The following CNTN4 variants were observed in gnomAD, a reference collection of about 807,000 sequenced individuals.
CNTN4 encodes the protein contactin 4.
CNTN4 carries 77 observed loss-of-function variants against 122.5 expected under a neutral mutation model. The ratio of observed to expected loss-of-function variants is 0.63; its 90% CI spans 0.52 to 0.76. The LOEUF (loss-of-function observed/expected upper bound fraction) is 0.76, where lower values mean the gene tolerates loss of function less well. Among genes scored for constraint, CNTN4 ranks in the 30% least tolerant of loss-of-function variants. CNTN4 has a pLI of 0.00. For synonymous variants in CNTN4, 512 were observed against 447.0 expected, an observed-to-expected ratio of 1.15 and a Z score of -1.83; for missense variants, 1,256 against 1,259.1, an observed-to-expected ratio of 1.00 and a Z score of 0.04.
intron 4 of CNTN4, among the ~76,000 whole-genome samples, chr3:2,603,142 T>G (rs904151273): frequency 6.6e-6 from 1 of 152,164 alleles, no homozygotes; most frequent in Admixed American, 6.6e-5. Flanking sequence ...GAGAATTTTG[T>G]TTTTTTCATT....
intron 2 of CNTN4, among the ~76,000 whole-genome samples, chr3:2,194,311 A>G (rs1345756339): frequency 6.6e-6 from 1 of 151,908 alleles, no homozygotes; most frequent in African/African-American, 2.4e-5. Flanking sequence ...AAAAAAACAA[A>G]TTAGCCAGGT....
At chr3:2,956,999 G>A (rs921882778) in intron 13 of CNTN4, among the ~76,000 whole-genome samples, 6 of 152,068 alleles carry the variant, frequency 3.9e-5, no homozygotes, top group African/African-American at 7.2e-5. Context: ...GTAATAGTCC[G>A]CTGTACATAT....
chr3:2,343,498 G>C (rs1263494258), intron 3 of CNTN4, among the ~76,000 whole-genome samples: 1 of 152,050 alleles, frequency 6.6e-6, no homozygotes, highest in African/African-American at 2.4e-5. Context: ...ACTGGTCGCG[G>C]GTCACTCCTT....
intron 13 of CNTN4, among the ~76,000 whole-genome samples, chr3:2,973,598 G>A (rs967700433): frequency 6.6e-6 from 1 of 152,028 alleles, no homozygotes; most frequent in Non-Finnish European, 1.5e-5. Context: ...CCCAGGAATT[G>A]TCATCAATGT....
chr3:2,999,549 A>T (rs1290183150), intron 14 of CNTN4, among the ~76,000 whole-genome samples: 2 of 152,122 alleles, frequency 1.3e-5, no homozygotes, highest in African/African-American at 4.8e-5. Flanking sequence ...GGAGGGGCCA[A>T]TTGTCAGTTC....
intron 3 of CNTN4, among the ~76,000 whole-genome samples, chr3:2,437,160 G>T (rs1162295928): frequency 1.3e-5 from 2 of 152,022 alleles, no homozygotes; most frequent in African/African-American, 4.8e-5. Flanking sequence ...TTGCCAAAGT[G>T]CTCAGACACA....
chr3:2,186,708 T>C (rs1353187234), intron 2 of CNTN4, among the ~76,000 whole-genome samples: 2 of 152,270 alleles, frequency 1.3e-5, no homozygotes, highest in East Asian at 3.8e-4. Context: ...TTCATGTGTC[T>C]GTTGGCTGCA....
rs749174040 is a variant in CNTN4, at chr3:2,265,141, A to G, written c.-144-74037A>G. On this transcript the variant is annotated intron_variant, in intron 2 of 24. Coordinates refer to ENST00000418658, the MANE Select transcript of CNTN4 (RefSeq NM_175607.3). ...GTTTTCCATTTCTGAGTTACTTCACATAGAATAATAGTCTCCATTTCCATC... is the reference window on the plus strand; with the variant it reads ...GTTTTCCATTTCTGAGTTACTTCACGTAGAATAATAGTCTCCATTTCCATC... 9.2e-5 allele frequency among the ~76,000 whole-genome samples: 14 copies of G among 152,214 alleles called. 2 individuals carry two copies. The highest frequency in any genetic ancestry group is 5.9e-4 in the Admixed American group (9 of 15,266).
intron 3 of CNTN4, among the ~76,000 whole-genome samples, chr3:2,373,792 C>T (rs1273151644): frequency 6.6e-6 from 1 of 152,150 alleles, no homozygotes; most frequent in African/African-American, 2.4e-5. Flanking sequence ...TAAGGAATTT[C>T]AGTTCTAGAA....
chr3:2,233,492 G>C (rs2039566461), intron 2 of CNTN4, among the ~76,000 whole-genome samples: 1 of 152,070 alleles, frequency 6.6e-6, no homozygotes, highest in South Asian at 2.1e-4. Context: ...TCTGAACTAG[G>C]CCAATACTAT....
chr3:2,157,430 T>C (rs751070856), intron 2 of CNTN4, among the ~76,000 whole-genome samples: 8 of 152,126 alleles, frequency 5.3e-5, no homozygotes, highest in Non-Finnish European at 1.2e-4. Context: ...TTCAGAACAA[T>C]CTGAGGAAAA....
At chr3:2,283,357 T>G (rs2041790409) in intron 2 of CNTN4, among the ~76,000 whole-genome samples, 1 of 152,074 alleles carries the variant, frequency 6.6e-6, no homozygotes, top group Non-Finnish European at 1.5e-5. Context: ...TTACAATCCT[T>G]TATAATGTTA....
intron 4 of CNTN4, among the ~76,000 whole-genome samples, chr3:2,596,587 A>ATT (rs112204538): frequency 4.6e-5 from 7 of 151,774 alleles, no homozygotes; most frequent in Non-Finnish European, 8.8e-5. Flanking sequence ...CACATTTTGT[A>ATT]TTTTTTTTCA....
intron 2 of CNTN4, among the ~76,000 whole-genome samples, chr3:2,169,552 G>GC (rs199682480): frequency 0.53 from 79,438 of 150,852 alleles, 21,258 homozygotes; most frequent in East Asian, 0.77. Flanking sequence ...GACTACAGGC[G>GC]CCGCCACCAC....
intron 10 of CNTN4, among the ~76,000 whole-genome samples, chr3:2,899,914 A>C (rs2094154905): frequency 1.3e-5 from 2 of 152,160 alleles, no homozygotes; most frequent in African/African-American, 4.8e-5. Flanking sequence ...AAATTGATCT[A>C]TACAACATGT....
intron 2 of CNTN4, among the ~76,000 whole-genome samples, chr3:2,242,384 A>T (rs538571671): frequency 6.6e-6 from 1 of 152,262 alleles, no homozygotes; most frequent in African/African-American, 2.4e-5. Flanking sequence ...GACTCAAGAT[A>T]GAAAGGATTC....
chr3:2,603,001 A>G (rs2081111342), intron 4 of CNTN4, among the ~76,000 whole-genome samples: 2 of 152,194 alleles, frequency 1.3e-5, no homozygotes, highest in Non-Finnish European at 2.9e-5. Context: ...GGCTTAGTAA[A>G]TACAATTATG....
chr3:2,849,801 A>G (rs369381692), intron 7 of CNTN4, among the ~76,000 whole-genome samples: 2 of 152,196 alleles, frequency 1.3e-5, no homozygotes, highest in East Asian at 1.9e-4. Context: ...AATGAATCAG[A>G]TAATGTGAGT....
At chr3:2,428,691 C>A (rs559723918) in intron 3 of CNTN4, among the ~76,000 whole-genome samples, 4 of 152,192 alleles carry the variant, frequency 2.6e-5, no homozygotes, top group Non-Finnish European at 5.9e-5. Flanking sequence ...TCCATTCTCC[C>A]CGTCACTTTC....
Sources: allele counts gnomAD v4.1 joint callset (sites outside exome capture counted in the v4.1 genomes callset), GRCh38; gene constraint gnomAD v4.1.1; transcripts MANE v1.5; gene names NCBI Gene and HGNC (gene_info 2026-07-23, HGNC 2026-07-21).